Variants in CRAMP1 observed in about 807,000 individuals in gnomAD.
CRAMP1 encodes the protein protein cramped-like.
CRAMP1 carries 50 observed loss-of-function variants against 115.4 expected under a neutral mutation model. The ratio of observed to expected loss-of-function variants is 0.43; its 90% CI spans 0.35 to 0.55. CRAMP1 has a LOEUF of 0.55. Among genes scored for constraint, CRAMP1 ranks in the 20% least tolerant of loss-of-function variants. CRAMP1 has a pLI of 0.01. For synonymous variants in CRAMP1, 866 were observed against 745.4 expected (o/e 1.16, Z -2.64); for missense variants, 1,679 against 1,721.7 (o/e 0.98, Z 0.44).
chr16:1,614,737 C>A lies in CRAMP1; in HGVS notation c.98C>A (p.Ala33Asp). The part of the protein sequence containing the change: ...ADEESLEGEG[A>D]GGADAAEESS... ...GAGGAGTCCCTGGAAGGAGAAGGGG[C>A]CGGCGGCGCAGACGCGGCCGAGGAG... The change falls in exon 2 of 21, where the codon GCC becomes GAC. Residue 33 changes from alanine (A) to aspartate (D), a missense_variant. Around this residue, in one of 8 missense-constraint regions of CRAMP1, gnomAD observed 264 missense variants for 229.7 expected, o/e 1.15. Coordinates refer to ENST00000397412, the MANE Select transcript of CRAMP1 (RefSeq NM_020825.4). This position sits in a 1 kb window ranked among gnomAD's most constrained non-coding sequence, Gnocchi z 4.4. The A allele has an allele frequency of 7.3e-7, 1 of 1,368,868 alleles. No individual in the cohort carries two copies. Among genetic ancestry groups the A allele is most frequent in the South Asian group, 1.9e-5 (1 of 53,726 alleles). 84.8% of individuals were successfully genotyped at this position (1,368,868 alleles called of 1,614,324 possible). A position where few individuals can be genotyped will look rare whatever the true frequency, so the allele number is the denominator to read the frequency against.
In CRAMP1 at chr16:1,672,566, A is replaced by T. The variant is rs11862901; in HGVS notation, c.3646-1315A>T. ...ACTCTTTGCTCTGCTTTTGAAAACA[A>T]ATTTTAATTTGTCTGACATTTCCCA... On this transcript the variant is annotated intron_variant, in intron 20 of 20. Transcript: ENST00000397412. The surrounding 1 kb of genome is among the most constrained non-coding windows in gnomAD (Gnocchi z 4.9). Among the ~76,000 whole-genome samples the T allele has an allele frequency of 1.3e-5, 2 of 152,142 alleles. No homozygotes were observed. The highest frequency in any genetic ancestry group is 2.9e-5 in the Non-Finnish European group (2 of 68,022).
At chr16:1,647,478 C>T (rs995102754) in intron 6 of CRAMP1, among the ~76,000 whole-genome samples, 11 of 152,118 alleles carry the variant, frequency 7.2e-5, no homozygotes, top group Admixed American at 2.0e-4. Context: ...TGGTGGCTCA[C>T]GTTTGTAATC....
intron 3 of CRAMP1, 33 bp downstream of exon 3, chr16:1,626,199 C>A: frequency 6.9e-7 from 1 of 1,448,086 alleles, no homozygotes; most frequent in Non-Finnish European, 9.2e-7. Flanking sequence ...GCCAGGCAGC[C>A]TGGGCGTCCC....
chr16:1,648,899 A>G (rs1441509499), intron 6 of CRAMP1, among the ~76,000 whole-genome samples: 1 of 151,940 alleles, frequency 6.6e-6, no homozygotes, highest in East Asian at 1.9e-4. Context: ...TCCACTAAAA[A>G]TACAAAAAAA....
rs1744323443 is a variant in CRAMP1, at chr16:1,614,383, G to A, written c.-1-256G>A. On this transcript the variant is annotated intron_variant, in intron 1 of 20. Transcript: ENST00000397412. The surrounding 1 kb of genome is among the most constrained non-coding windows in gnomAD (Gnocchi z 4.4). The stretch of plus-strand genomic sequence containing the variant: ...TCGCGCCCTCCCGCCGCCGGCCCGG[G>A]CGTCTGGACGCGAGCCTCGGCCAGG... Among the ~76,000 whole-genome samples, 2 of 144,532 alleles carry A rather than the reference G, an allele frequency of 1.4e-5. No individual in the cohort carries two copies. Among genetic ancestry groups the A allele is most frequent in the Non-Finnish European group, 3.1e-5 (2 of 64,996 alleles). The allele number at this position is 144,532 out of a possible 152,430, so 94.8% of individuals were successfully genotyped here.
intron 4 of CRAMP1, among the ~76,000 whole-genome samples, chr16:1,632,694 G>A (rs1338649109): frequency 6.6e-6 from 1 of 152,254 alleles, no homozygotes; most frequent in Non-Finnish European, 1.5e-5. Flanking sequence ...CACTGCAAAT[G>A]ATAGCACCAT....
rs2036601098 is a variant in CRAMP1, at chr16:1,637,858, A to G, written c.729A>G (p.Glu243=). The G allele has an allele frequency of 6.4e-7, 1 of 1,570,302 alleles. No homozygotes were observed. Among genetic ancestry groups the G allele is most frequent in the South Asian group, 1.2e-5 (1 of 83,900 alleles). Residue 243 remains glutamate (E), a synonymous_variant, in exon 5 of 21, where the codon GAA becomes GAG. Transcript: ENST00000397412. ...FSRGLKKSSQ[E]LYGLICYGEL... ...GAGGCCTGAAGAAGTCATCCCAGGA[A>G]CTGTATGGCCTGATCTGCTATGGCG...
intron 4 of CRAMP1, among the ~76,000 whole-genome samples, chr16:1,637,031 G>C (rs2036593336): frequency 6.6e-6 from 1 of 152,234 alleles, no homozygotes; most frequent in Non-Finnish European, 1.5e-5. Flanking sequence ...GGTGGCTCAT[G>C]CCTGTAATCC....
chr16:1,626,278 G>A, intron 3 of CRAMP1, 112 bp downstream of exon 3: 1 of 1,067,464 alleles, frequency 9.4e-7, no homozygotes, highest in Non-Finnish European at 1.3e-6. Context: ...CAGATTCCTG[G>A]GCGACCCCCG....
chr16:1,645,605 G>A (rs1156479885), intron 6 of CRAMP1, among the ~76,000 whole-genome samples: 1 of 152,160 alleles, frequency 6.6e-6, no homozygotes, highest in Admixed American at 6.5e-5. Context: ...GGACAGATGG[G>A]TAATGACATG....
intron 10 of CRAMP1, among the ~76,000 whole-genome samples, chr16:1,658,914 G>C (rs906591596): frequency 6.6e-6 from 1 of 152,164 alleles, no homozygotes. Context: ...AGAAGGAAGA[G>C]AGCCGAGAGG....
intron 8 of CRAMP1, among the ~76,000 whole-genome samples, chr16:1,654,750 C>G (rs370190251): frequency 6.6e-6 from 1 of 152,270 alleles, no homozygotes; most frequent in Admixed American, 6.5e-5. Context: ...CGGAATCACA[C>G]GCAGAGGCCT....
At chr16:1,630,159 C>G (rs1303466162) in intron 3 of CRAMP1, among the ~76,000 whole-genome samples, 1 of 152,068 alleles carries the variant, frequency 6.6e-6, no homozygotes, top group Non-Finnish European at 1.5e-5. Flanking sequence ...TAAAAAACAT[C>G]TTTTTTTGAG....
intron 9 of CRAMP1, 63 bp downstream of exon 9, chr16:1,655,363 C>G: frequency 7.8e-7 from 1 of 1,283,124 alleles, no homozygotes. Flanking sequence ...CAGAGATGGA[C>G]CACGCCTCCC....
At chr16:1,623,593 G>A (rs984036311) in intron 2 of CRAMP1, among the ~76,000 whole-genome samples, 1 of 152,242 alleles carries the variant, frequency 6.6e-6, no homozygotes, top group East Asian at 1.9e-4. Flanking sequence ...TGTGGTCTTG[G>A]AAGATGATAG....
chr16:1,644,542 G>A (rs954340577), intron 6 of CRAMP1, among the ~76,000 whole-genome samples: 1 of 152,184 alleles, frequency 6.6e-6, no homozygotes, highest in African/African-American at 2.4e-5. Context: ...GCAGGTGGGT[G>A]CAGACATGGC....
intron 6 of CRAMP1, among the ~76,000 whole-genome samples, chr16:1,651,822 G>C (rs894503543): frequency 6.6e-6 from 1 of 151,436 alleles, no homozygotes; most frequent in African/African-American, 2.4e-5. Flanking sequence ...TCACAGAAAG[G>C]TGGATTGAGG....
intron 6 of CRAMP1, among the ~76,000 whole-genome samples, chr16:1,650,233 G>A (rs1200413125): frequency 8.5e-5 from 13 of 152,164 alleles, no homozygotes; most frequent in Admixed American, 8.5e-4. Context: ...TTGTTTACTG[G>A]GATGTGGAGA....
rs1277735168 is a variant in CRAMP1 at position 1,669,730 on chromosome 16, C to T, written c.3499+565C>T. 6.6e-6 allele frequency among the ~76,000 whole-genome samples: 1 copy of T among 152,210 alleles called. No individual in the cohort carries two copies. The highest frequency in any genetic ancestry group is 1.9e-4 in the East Asian group (1 of 5,198). On this transcript the variant is annotated intron_variant, in intron 19 of 20. Transcript: ENST00000397412. This position sits in a 1 kb window ranked among gnomAD's most constrained non-coding sequence, Gnocchi z 4.6. ...GTGTATCAGGGAAAGGCACACCCTG[C>T]TGCTGTTGCCTGCCCAGAGAGAGCT...
Sources: gnomAD v4.1 joint callset for allele counts (sites outside exome capture counted in the v4.1 genomes callset) on GRCh38, gnomAD v4.1.1 for gene constraint, gnomAD v4.1.1 regional missense constraint, Gnocchi (gnomAD v3.1) non-coding constraint, MANE v1.5 for transcripts, NCBI Gene and HGNC (gene_info 2026-07-23, HGNC 2026-07-21) for gene names.